The following UBE3D variants were observed in gnomAD, a reference collection of about 807,000 sequenced individuals.
The protein encoded by UBE3D is ubiquitin protein ligase E3D.
A neutral mutation model predicts 49.6 loss-of-function variants in UBE3D; 48 were observed. The observed-to-expected ratio is 0.97, with a 90% CI of 0.77 to 1.23. UBE3D has a LOEUF of 1.23. UBE3D is among the 50% of genes most tolerant of loss of function. UBE3D has a pLI of 0.00. For synonymous variants in UBE3D, 189 were observed against 174.2 expected (o/e 1.08, Z -0.67); for missense variants, 452 against 468.4 (o/e 0.96, Z 0.32).
At chr6:83,026,368 T>G (rs1781460157) in intron 5 of UBE3D, among the ~76,000 whole-genome samples, 1 of 152,082 alleles carries the variant, frequency 6.6e-6, no homozygotes, top group African/African-American at 2.4e-5. Flanking sequence ...AGAGGACTGT[T>G]TGAGCCCAGA....
chr6:82,927,003 T>C (rs1456523533), intron 9 of UBE3D, among the ~76,000 whole-genome samples: 1 of 152,158 alleles, frequency 6.6e-6, no homozygotes, highest in Non-Finnish European at 1.5e-5. Context: ...AGGTCTGTGA[T>C]CCATTCTGAA....
At chr6:82,962,904 T>C (rs1776655659) in intron 8 of UBE3D, among the ~76,000 whole-genome samples, 1 of 152,214 alleles carries the variant, frequency 6.6e-6, no homozygotes, top group Non-Finnish European at 1.5e-5. Flanking sequence ...AGCAATCTTA[T>C]TTTTGAAATT....
At chr6:82,951,214 C>T (rs1400448513) in intron 9 of UBE3D, among the ~76,000 whole-genome samples, 1 of 152,016 alleles carries the variant, frequency 6.6e-6, no homozygotes, top group Admixed American at 6.6e-5. Context: ...TCTCATGTAA[C>T]CCATAAATAT....
At position 82,918,032 on chromosome 6, in the gene UBE3D, T is replaced by G. The variant is rs151241689; in HGVS notation, c.1150-24990A>C. Among the ~76,000 whole-genome samples the G allele has an allele frequency of 7.5e-4, 114 of 152,320 alleles. 1 individual carries two copies. Among genetic ancestry groups the G allele is most frequent in the Middle Eastern group, 3.4e-3 (1 of 294 alleles). ...TGCTCTTTATTTTCCTTCAATAAATTCTCTGCTTTCTTTGCTAAATTTGTC... is the reference window on the plus strand; with the variant it reads ...TGCTCTTTATTTTCCTTCAATAAATGCTCTGCTTTCTTTGCTAAATTTGTC... On this transcript the variant is annotated intron_variant, in intron 9 of 9. Coordinates refer to ENST00000369747, the MANE Select transcript of UBE3D (RefSeq NM_198920.3).
At chr6:83,019,216 G>A in intron 7 of UBE3D, 80 bp from the exon 8 acceptor site, 1 of 1,296,212 alleles carries the variant, frequency 7.7e-7, no homozygotes, top group Non-Finnish European at 1.0e-6. Context: ...AAACAAAAAA[G>A]AGACTATGAA....
At chr6:83,031,877 C>T (rs997246728) in intron 5 of UBE3D, among the ~76,000 whole-genome samples, 10 of 152,234 alleles carry the variant, frequency 6.6e-5, no homozygotes, top group African/African-American at 2.4e-4. Context: ...GGGTACAAGC[C>T]TCAAACCTTG....
intron 8 of UBE3D, among the ~76,000 whole-genome samples, chr6:82,975,968 A>T (rs1777689189): frequency 6.6e-6 from 1 of 152,214 alleles, no homozygotes; most frequent in African/African-American, 2.4e-5. Context: ...ATCTATTATC[A>T]AGAGAAGATT....
At chr6:82,985,162 T>C (rs1475433072) in intron 8 of UBE3D, among the ~76,000 whole-genome samples, 1 of 151,816 alleles carries the variant, frequency 6.6e-6, no homozygotes, top group Non-Finnish European at 1.5e-5. Context: ...TCGTAGTTAT[T>C]CCTTATCTTT....
intron 9 of UBE3D, among the ~76,000 whole-genome samples, chr6:82,943,885 C>A (rs930985187): frequency 7.9e-5 from 12 of 152,052 alleles, no homozygotes; most frequent in Non-Finnish European, 1.5e-4. Context: ...GAAAGCAAAA[C>A]CAAGTGGAAC....
intron 9 of UBE3D, among the ~76,000 whole-genome samples, chr6:82,914,626 C>T (rs962593921): frequency 6.6e-6 from 1 of 152,016 alleles, no homozygotes; most frequent in Non-Finnish European, 1.5e-5. Context: ...CTTCTGCTGC[C>T]AGGAGTAGGA....
chr6:82,987,923 G>A (rs1778633094), intron 8 of UBE3D, among the ~76,000 whole-genome samples: 1 of 152,170 alleles, frequency 6.6e-6, no homozygotes, highest in Non-Finnish European at 1.5e-5. Context: ...TGTCAACATG[G>A]AGAAGTCTTA....
chr6:82,907,648 A>G lies in UBE3D; in HGVS notation c.1150-14606T>C, dbSNP rs560441536. 1.1e-4 allele frequency among the ~76,000 whole-genome samples: 17 copies of G among 152,320 alleles called. No homozygotes were observed. In the East Asian group the frequency reaches 3.1e-3, roughly 28 times the overall value. On this transcript the variant is annotated intron_variant, in intron 9 of 9. Coordinates refer to ENST00000369747, the MANE Select transcript of UBE3D (RefSeq NM_198920.3). Reference sequence around the variant, plus strand: ...AAATGCAAATGAAAATCATAATGAGATACCCAGAATAGTTAAATAAAAGAT... The same window carrying G: ...AAATGCAAATGAAAATCATAATGAGGTACCCAGAATAGTTAAATAAAAGAT...
intron 3 of UBE3D, among the ~76,000 whole-genome samples, chr6:83,052,558 G>T (rs1204915760): frequency 6.6e-6 from 1 of 152,098 alleles, no homozygotes; most frequent in Non-Finnish European, 1.5e-5. Flanking sequence ...CTTTCATAAG[G>T]CCCCAGGGTG....
At chr6:83,007,784 A>G (rs906856148) in intron 8 of UBE3D, among the ~76,000 whole-genome samples, 2 of 152,028 alleles carry the variant, frequency 1.3e-5, no homozygotes, top group African/African-American at 2.4e-5. Context: ...ATCTCTACAA[A>G]ATATACAAAA....
At chr6:82,954,538 AAAG>A (rs950555577) in intron 9 of UBE3D, among the ~76,000 whole-genome samples, 35 of 152,216 alleles carry the variant, frequency 2.3e-4, no homozygotes, top group African/African-American at 7.2e-4. Context: ...CTTTACAGAA[AAAG>A]AAGCACTGCT....
intron 3 of UBE3D, 32 bp from the exon 4 acceptor site, chr6:83,044,691 G>T (rs9449571): frequency 1.8e-5 from 27 of 1,505,398 alleles, no homozygotes; most frequent in Middle Eastern, 3.5e-4. Context: ...ATTTTTCACA[G>T]AACAAAATGA....
chr6:83,057,970 G>GT lies in UBE3D; in HGVS notation c.129dup (p.Leu44ThrfsTer7). 1 of 1,614,178 alleles carries GT rather than the reference G, an allele frequency of 6.2e-7. No homozygotes were observed. The highest frequency in any genetic ancestry group is 8.5e-7 in the Non-Finnish European group (1 of 1,180,038). On this transcript the variant is annotated frameshift_variant, in exon 2 of 10. Coordinates refer to ENST00000369747, the MANE Select transcript of UBE3D (RefSeq NM_198920.3). LOFTEE classifies it high-confidence loss of function. ...CAGCCTTCAGGGGTTTTCATCTGGA[G>GT]TGAAGATGGCATTATGGAAATATTC...
chr6:83,036,560 T>C (rs1368035206), intron 5 of UBE3D: 1 of 152,208 alleles, frequency 6.6e-6, no homozygotes, highest in Non-Finnish European at 1.5e-5. Context: ...GCTTGCTTAA[T>C]CATTTATTTG....
chr6:82,963,520 A>G (rs1173502547), intron 8 of UBE3D, among the ~76,000 whole-genome samples: 3 of 152,216 alleles, frequency 2.0e-5, no homozygotes, highest in African/African-American at 7.2e-5. Flanking sequence ...AACCAGCCCC[A>G]GTCCCAAAGC....
Sources: gnomAD v4.1 joint callset for allele counts (sites outside exome capture counted in the v4.1 genomes callset) on GRCh38, gnomAD v4.1.1 for gene constraint, MANE v1.5 for transcripts, NCBI Gene and HGNC (gene_info 2026-07-23, HGNC 2026-07-21) for gene names.